The following SLC25A21 variants were observed in gnomAD, a reference collection of about 807,000 sequenced individuals.
The protein encoded by SLC25A21 is mitochondrial 2-oxodicarboxylate carrier.
A neutral mutation model predicts 43.8 loss-of-function variants in SLC25A21; 47 were observed. That is an observed-to-expected ratio of 1.07 (90% CI 0.85 to 1.37). SLC25A21 has a LOEUF of 1.37. Among genes scored for constraint, SLC25A21 ranks in the 40% most tolerant of loss-of-function variants. SLC25A21 has a pLI of 0.00. For missense variants in SLC25A21, 352 were observed against 350.2 expected (o/e 1.00, Z -0.04); for synonymous variants, 131 against 121.3 (o/e 1.08, Z -0.52).
At chr14:36,729,449 T>C in intron 5 of SLC25A21, 58 bp downstream of exon 5, 2 of 1,326,384 alleles carry the variant, frequency 1.5e-6, no homozygotes, top group East Asian at 5.1e-5. Flanking sequence ...TTTTTGTTTC[T>C]AGATTTTGCT....
At chr14:37,055,588 A>G (rs1385689666) in intron 1 of SLC25A21, among the ~76,000 whole-genome samples, 1 of 152,130 alleles carries the variant, frequency 6.6e-6, no homozygotes, top group Non-Finnish European at 1.5e-5. Context: ...GAGCTGCCGA[A>G]CATGGAAGTC....
chr14:36,961,160 G>A (rs751526909), intron 1 of SLC25A21, among the ~76,000 whole-genome samples: 14 of 151,978 alleles, frequency 9.2e-5, no homozygotes, highest in Non-Finnish European at 1.8e-4. Flanking sequence ...GAAAGTCTGG[G>A]GTAAAACTTA....
intron 3 of SLC25A21, among the ~76,000 whole-genome samples, chr14:36,775,557 A>C (rs1260882653): frequency 6.6e-6 from 1 of 152,206 alleles, no homozygotes; most frequent in Non-Finnish European, 1.5e-5. Flanking sequence ...TCATTGCTAA[A>C]GTCCCTGGCA....
chr14:36,977,056 T>C (rs1959891017), intron 1 of SLC25A21, among the ~76,000 whole-genome samples: 1 of 152,234 alleles, frequency 6.6e-6, no homozygotes, highest in African/African-American at 2.4e-5. Flanking sequence ...AACAAAACAT[T>C]TGCATGCCCT....
chr14:37,089,700 A>G (rs189054379), intron 1 of SLC25A21, among the ~76,000 whole-genome samples: 57 of 152,206 alleles, frequency 3.7e-4, no homozygotes, highest in African/African-American at 1.3e-3. Context: ...CCACAGCTCT[A>G]CTTCTTCAAT....
intron 1 of SLC25A21, among the ~76,000 whole-genome samples, chr14:36,931,217 G>T (rs889140046): frequency 1.3e-5 from 2 of 152,124 alleles, no homozygotes; most frequent in African/African-American, 4.8e-5. Flanking sequence ...TTGATGTGAT[G>T]AAAAATCATA....
At chr14:36,758,192 A>C (rs1210242031) in intron 3 of SLC25A21, among the ~76,000 whole-genome samples, 1 of 152,178 alleles carries the variant, frequency 6.6e-6, no homozygotes, top group Non-Finnish European at 1.5e-5. Flanking sequence ...TTGGTGACTA[A>C]TCTCAGCTTA....
At chr14:36,817,457 G>A (rs1368386164) in intron 2 of SLC25A21, among the ~76,000 whole-genome samples, 1 of 152,090 alleles carries the variant, frequency 6.6e-6, no homozygotes, top group Non-Finnish European at 1.5e-5. Flanking sequence ...TTCTAATGGG[G>A]AAGCGAACAC....
intron 2 of SLC25A21, among the ~76,000 whole-genome samples, chr14:36,814,971 A>G (rs1888403613): frequency 1.3e-5 from 2 of 152,214 alleles, no homozygotes; most frequent in South Asian, 4.1e-4. Context: ...CATATACACC[A>G]TGGAATACTA....
intron 1 of SLC25A21, among the ~76,000 whole-genome samples, chr14:37,134,381 C>T (rs17106410): frequency 0.13 from 19,230 of 152,132 alleles, 3,074 homozygotes; most frequent in African/African-American, 0.37. Flanking sequence ...ATTATCCTTA[C>T]GTCCTCAATG....
chr14:36,821,592 G>A (rs564936016), intron 2 of SLC25A21, among the ~76,000 whole-genome samples: 3 of 152,094 alleles, frequency 2.0e-5, no homozygotes, highest in Non-Finnish European at 4.4e-5. Flanking sequence ...CAAGGCAGCC[G>A]GATTACTTAA....
intron 1 of SLC25A21, among the ~76,000 whole-genome samples, chr14:36,943,901 G>C (rs770633738): frequency 6.6e-6 from 1 of 151,994 alleles, no homozygotes; most frequent in Non-Finnish European, 1.5e-5. Flanking sequence ...CCTGTAACAA[G>C]TTTAATTAAT....
chr14:36,743,129 G>A (rs771098088), intron 3 of SLC25A21, among the ~76,000 whole-genome samples: 5 of 152,116 alleles, frequency 3.3e-5, no homozygotes, highest in African/African-American at 1.2e-4. Flanking sequence ...TTCAGCCCAA[G>A]AAAGGCCTTA....
At chr14:36,914,221 T>G (rs942531186) in intron 1 of SLC25A21, among the ~76,000 whole-genome samples, 3 of 152,228 alleles carry the variant, frequency 2.0e-5, no homozygotes, top group Non-Finnish European at 4.4e-5. Context: ...CTGGTTTTAA[T>G]CACCATAACG....
chr14:37,017,340 T>G (rs182222636), intron 1 of SLC25A21, among the ~76,000 whole-genome samples: 35 of 152,126 alleles, frequency 2.3e-4, no homozygotes, highest in African/African-American at 8.0e-4. Flanking sequence ...CAAGGAGAGG[T>G]AGACAGAGAA....
At chr14:36,734,991 G>A (rs1224651301) in intron 3 of SLC25A21, among the ~76,000 whole-genome samples, 2 of 152,192 alleles carry the variant, frequency 1.3e-5, no homozygotes, top group African/African-American at 4.8e-5. Flanking sequence ...CTGAGGCTAA[G>A]GAGGTGATGA....
intron 1 of SLC25A21, among the ~76,000 whole-genome samples, chr14:37,099,998 A>G (rs990095340): frequency 2.0e-5 from 3 of 151,938 alleles, no homozygotes; most frequent in East Asian, 1.9e-4. Context: ...GGCAATTTCT[A>G]TTCATTCCAG....
At chr14:36,809,499 ATGTATTTACGCTTTT>A (rs1314488672) in intron 3 of SLC25A21, among the ~76,000 whole-genome samples, 4 of 152,236 alleles carry the variant, frequency 2.6e-5, no homozygotes, top group Non-Finnish European at 5.9e-5. Context: ...AAAAAGTACA[ATGTATTTACGCTTTT>A]TAAGAAGAAA....
chr14:37,171,993 C>T (rs1964137916), intron 1 of SLC25A21: 1 of 442,806 alleles, frequency 2.3e-6, no homozygotes, highest in Non-Finnish European at 4.0e-6. Flanking sequence ...AGTCGCTGCC[C>T]TTGGGGCTCT....
Sources: gnomAD v4.1 joint callset for allele counts (sites outside exome capture counted in the v4.1 genomes callset) on GRCh38, gnomAD v4.1.1 for gene constraint, MANE v1.5 for transcripts, NCBI Gene and HGNC (gene_info 2026-07-23, HGNC 2026-07-21) for gene names.